The following PDILT variants were observed in gnomAD, a reference collection of about 807,000 sequenced individuals.
The protein encoded by PDILT is protein disulfide-isomerase-like protein of the testis.
PDILT carries 43 observed loss-of-function variants against 53.7 expected under a neutral mutation model. That is an observed-to-expected ratio of 0.80 (90% CI 0.63 to 1.03). The LOEUF (loss-of-function observed/expected upper bound fraction) is 1.03, where lower values mean the gene tolerates loss of function less well. PDILT is among the 50% of genes least tolerant of loss of function. PDILT has a pLI of 0.00. For synonymous variants in PDILT, 282 were observed against 274.2 expected (o/e 1.03, Z -0.28); for missense variants, 727 against 712.3 (o/e 1.02, Z -0.24).
chr16:20,393,292 A>G (rs1341944818), intron 2 of PDILT, among the ~76,000 whole-genome samples: 12 of 152,214 alleles, frequency 7.9e-5, no homozygotes, highest in Admixed American at 6.5e-4. Flanking sequence ...AGGCTCATGT[A>G]AAGAAAATGG....
At chr16:20,400,439 T>C (rs1243786775) in intron 1 of PDILT, among the ~76,000 whole-genome samples, 1 of 150,128 alleles carries the variant, frequency 6.7e-6, no homozygotes. Context: ...TTTTGCAGCT[T>C]GGTTAGCTCT....
chr16:20,389,770 AGAGGAGGGG>A, intron 2 of PDILT, among the ~76,000 whole-genome samples: 2 of 152,292 alleles, frequency 1.3e-5, no homozygotes, highest in Non-Finnish European at 2.9e-5. Context: ...AATGTGAGTC[AGAGGAGGGG>A]CTGATGGGTG....
chr16:20,365,636 G>T, intron 8 of PDILT, 96 bp from the exon 9 acceptor site: 1 of 1,453,822 alleles, frequency 6.9e-7, no homozygotes, highest in Non-Finnish European at 9.4e-7. Flanking sequence ...AGGTTTTCTC[G>T]TGTTTTTTTC....
At chr16:20,365,355 A>G in intron 9 of PDILT, 65 bp downstream of exon 9, 1 of 1,579,264 alleles carries the variant, frequency 6.3e-7, no homozygotes, top group Non-Finnish European at 8.7e-7. Context: ...CCAACAATTC[A>G]GGAGAAACAC....
intron 5 of PDILT, among the ~76,000 whole-genome samples, chr16:20,373,546 G>A (rs1469579164): frequency 6.6e-6 from 1 of 152,166 alleles, no homozygotes; most frequent in Non-Finnish European, 1.5e-5. Flanking sequence ...ATCAAGTTTA[G>A]CATAAAGCTG....
intron 4 of PDILT, 121 bp from the exon 5 acceptor site, chr16:20,375,080 C>T: frequency 8.7e-7 from 1 of 1,146,654 alleles, no homozygotes; most frequent in Non-Finnish European, 1.2e-6. Flanking sequence ...TGGGGTTTGC[C>T]TGGGTCACCC....
intron 1 of PDILT, among the ~76,000 whole-genome samples, chr16:20,400,036 ATC>A (rs1228760831): frequency 1.5e-3 from 185 of 122,464 alleles, no homozygotes; most frequent in Middle Eastern, 3.9e-3. Flanking sequence ...CTATCTATCT[ATC>A]TATCTATCTA....
At chr16:20,391,524 C>CTAATGGTATCCACTTGTGA (rs1392673827) in intron 2 of PDILT, among the ~76,000 whole-genome samples, 2 of 152,140 alleles carry the variant, frequency 1.3e-5, no homozygotes, top group African/African-American at 4.8e-5. Context: ...CCTCTCTCCA[C>CTAATGGTATCCACTTGTGA]TAATGGTAGT....
intron 2 of PDILT, among the ~76,000 whole-genome samples, chr16:20,398,807 G>C (rs917990946): frequency 5.3e-5 from 8 of 152,114 alleles, no homozygotes; most frequent in African/African-American, 1.9e-4. Context: ...ACTGAGGCTC[G>C]GAATAATACA....
At chr16:20,375,778 A>T (rs1249407097) in intron 4 of PDILT, among the ~76,000 whole-genome samples, 1 of 149,304 alleles carries the variant, frequency 6.7e-6, no homozygotes, top group East Asian at 1.9e-4. Flanking sequence ...ATTCATAGAG[A>T]ACAATGGCTC....
chr16:20,368,903 C>A (rs1966259948), intron 8 of PDILT, among the ~76,000 whole-genome samples: 1 of 152,130 alleles, frequency 6.6e-6, no homozygotes, highest in Non-Finnish European at 1.5e-5. Flanking sequence ...ATCCTTTACT[C>A]CCATAATGTC....
chr16:20,396,064 A>G (rs1966659519), intron 2 of PDILT, among the ~76,000 whole-genome samples: 1 of 152,220 alleles, frequency 6.6e-6, no homozygotes, highest in Non-Finnish European at 1.5e-5. Context: ...TAACTGACAC[A>G]GGGTTGATGA....
intron 7 of PDILT, 101 bp from the exon 8 acceptor site, chr16:20,369,790 TG>T: frequency 1.7e-6 from 2 of 1,190,958 alleles, no homozygotes; most frequent in Non-Finnish European, 2.5e-6. Flanking sequence ...GTGGGGTCTG[TG>T]GAGCACCTCT....
chr16:20,391,645 C>T (rs1231592244), intron 2 of PDILT, among the ~76,000 whole-genome samples: 1 of 152,048 alleles, frequency 6.6e-6, no homozygotes, highest in African/African-American at 2.4e-5. Context: ...TGGAAGCCTA[C>T]CATGCTCCAA....
chr16:20,392,774 C>A (rs1021063465), intron 2 of PDILT, among the ~76,000 whole-genome samples: 1 of 152,140 alleles, frequency 6.6e-6, no homozygotes, highest in Non-Finnish European at 1.5e-5. Context: ...TTGGTTGTGT[C>A]AAATGCAATT....
At chr16:20,376,004 C>T (rs999678242) in intron 4 of PDILT, 64 bp downstream of exon 4, 3 of 1,586,360 alleles carry the variant, frequency 1.9e-6, no homozygotes, top group Middle Eastern at 1.8e-4. Flanking sequence ...CCTCACACCA[C>T]CCCCTCCCAG....
Position 20,399,301 on chromosome 16 carries a change from G to T in PDILT, c.-1C>A. The stretch of plus-strand genomic sequence containing the variant: ...GCAGGGGCATCCAGAGTAGGTCCAT[G>T]GCTGTCCTGCAGGGGCCGGAGAAGG... On this transcript the variant is annotated 5_prime_UTR_variant, in exon 2 of 12. Coordinates refer to ENST00000302451, the MANE Select transcript of PDILT (RefSeq NM_174924.2). The T allele has an allele frequency of 6.2e-7, 1 of 1,613,780 alleles. No homozygotes were observed. Among genetic ancestry groups the T allele is most frequent in the Non-Finnish European group, 8.5e-7 (1 of 1,179,858 alleles).
intron 7 of PDILT, among the ~76,000 whole-genome samples, chr16:20,371,640 C>A (rs1379322111): frequency 6.6e-6 from 1 of 152,062 alleles, no homozygotes; most frequent in Non-Finnish European, 1.5e-5. Flanking sequence ...TTGGGGAATT[C>A]ACTAGGGTGA....
At chr16:20,367,035 CTTTCTTTCTTTCTTTCTTT>C (rs1966212489) in intron 8 of PDILT, among the ~76,000 whole-genome samples, 1 of 16,778 alleles carries the variant, frequency 6.0e-5, no homozygotes. Context: ...TTCTTTCTTT[CTTTCTTTCTTTCTTTCTTT>C]CTTTCTTTCT....
Sources: allele counts gnomAD v4.1 joint callset (sites outside exome capture counted in the v4.1 genomes callset), GRCh38; gene constraint gnomAD v4.1.1; transcripts MANE v1.5; gene names NCBI Gene and HGNC (gene_info 2026-07-23, HGNC 2026-07-21).